IL1RAPL1: variants seen among roughly 807,000 people sequenced by gnomAD.
The protein encoded by IL1RAPL1 is interleukin 1 receptor accessory protein like 1.
A neutral mutation model predicts 48.4 loss-of-function variants in IL1RAPL1; 3 were observed. The observed-to-expected ratio is 0.06, with a 90% CI of 0.03 to 0.16. The LOEUF (loss-of-function observed/expected upper bound fraction) is 0.16, where lower values mean the gene tolerates loss of function less well. IL1RAPL1 is among the 10% of genes least tolerant of loss of function. IL1RAPL1 has a pLI of 1.00. For missense variants in IL1RAPL1, 349 were observed against 530.6 expected, an observed-to-expected ratio of 0.66 and a Z score of 3.36; for synonymous variants, 185 against 187.7, an observed-to-expected ratio of 0.99 and a Z score of 0.12.
intron 6 of IL1RAPL1, among the ~76,000 whole-genome samples, chrX:29,809,443 G>A (rs1930334052): frequency 9.0e-6 from 1 of 110,804 alleles, no homozygotes; most frequent in East Asian, 2.8e-4. Context: ...TTCTTTTCAT[G>A]ATCCTGCAGA....
intron 2 of IL1RAPL1, among the ~76,000 whole-genome samples, chrX:28,803,333 A>G: frequency 9.0e-6 from 1 of 111,433 alleles, no homozygotes; most frequent in Non-Finnish European, 1.9e-5. Flanking sequence ...TGTGTGCTTC[A>G]CGACTTAGGT....
At chrX:29,228,954 A>G (rs1345286956) in intron 2 of IL1RAPL1, among the ~76,000 whole-genome samples, 1 of 111,484 alleles carries the variant, frequency 9.0e-6, no homozygotes, top group Non-Finnish European at 1.9e-5. Flanking sequence ...GGTGGTGGCC[A>G]GTAGAGGTGG....
At chrX:29,639,611 A>G (rs1925104264) in intron 5 of IL1RAPL1, among the ~76,000 whole-genome samples, 1 of 96,239 alleles carries the variant, frequency 1.0e-5, no homozygotes, top group African/African-American at 3.9e-5. Flanking sequence ...ATGATTCTGT[A>G]GTTAAGAAGG....
At chrX:29,304,647 G>A (rs1569280980) in intron 3 of IL1RAPL1, among the ~76,000 whole-genome samples, 1 of 112,419 alleles carries the variant, frequency 8.9e-6, no homozygotes, top group Non-Finnish European at 1.9e-5. Context: ...AAATGTTGAA[G>A]TTGGATGATG....
At chrX:29,101,060 T>C (rs1928327016) in intron 2 of IL1RAPL1, among the ~76,000 whole-genome samples, 2 of 111,290 alleles carry the variant, frequency 1.8e-5, no homozygotes, top group Non-Finnish European at 3.8e-5. Context: ...TAAAAAGAAA[T>C]CCAAACTGGG....
At chrX:29,534,592 T>G (rs1921150217) in intron 5 of IL1RAPL1, among the ~76,000 whole-genome samples, 1 of 111,391 alleles carries the variant, frequency 9.0e-6, no homozygotes, top group African/African-American at 3.3e-5. Flanking sequence ...CCCAGCACTT[T>G]GGGAGGCCAA....
At chrX:28,996,561 C>T (rs755156785) in intron 2 of IL1RAPL1, among the ~76,000 whole-genome samples, 1 of 111,170 alleles carries the variant, frequency 9.0e-6, no homozygotes, top group Non-Finnish European at 1.9e-5. Flanking sequence ...GTTAACATTC[C>T]AAACAGCAGT....
chrX:28,998,146 G>A (rs1925764262), intron 2 of IL1RAPL1, among the ~76,000 whole-genome samples: 1 of 111,036 alleles, frequency 9.0e-6, no homozygotes, highest in South Asian at 3.8e-4. Flanking sequence ...ACACAAATAA[G>A]CCAATGTTAT....
intron 1 of IL1RAPL1, among the ~76,000 whole-genome samples, chrX:28,700,777 C>T (rs958302368): frequency 1.8e-5 from 2 of 110,866 alleles, no homozygotes; most frequent in African/African-American, 6.6e-5. Context: ...TTGTTCAGTT[C>T]CCACTTACGA....
At chrX:29,020,185 G>A (rs192557874) in intron 2 of IL1RAPL1, among the ~76,000 whole-genome samples, 2 of 112,249 alleles carry the variant, frequency 1.8e-5, no homozygotes, top group Admixed American at 9.4e-5. Context: ...TCCAGAAACC[G>A]AAGAATTTCA....
intron 6 of IL1RAPL1, among the ~76,000 whole-genome samples, chrX:29,812,579 C>T (rs966874990): frequency 6.3e-5 from 7 of 111,028 alleles, no homozygotes; most frequent in African/African-American, 2.3e-4. Context: ...CCTAGCCTGT[C>T]TCAGTGGATG....
chrX:29,718,383 C>A (rs754481687), intron 6 of IL1RAPL1, among the ~76,000 whole-genome samples: 2 of 107,002 alleles, frequency 1.9e-5, no homozygotes, highest in Non-Finnish European at 3.8e-5. Context: ...CATGTTCTCA[C>A]TCATAAGTGG....
At chrX:29,339,326 A>G (rs1933042611) in intron 3 of IL1RAPL1, among the ~76,000 whole-genome samples, 1 of 111,739 alleles carries the variant, frequency 8.9e-6, no homozygotes, top group South Asian at 3.7e-4. Flanking sequence ...ATAGATTGTG[A>G]TGAAAATTAA....
At chrX:29,498,269 C>T (rs1402868639) in intron 5 of IL1RAPL1, among the ~76,000 whole-genome samples, 1 of 111,687 alleles carries the variant, frequency 9.0e-6, no homozygotes, top group African/African-American at 3.2e-5. Context: ...CTCTAGGTGG[C>T]TGCAAACAGT....
At chrX:28,960,091 T>C (rs1028950206) in intron 2 of IL1RAPL1, among the ~76,000 whole-genome samples, 1 of 111,930 alleles carries the variant, frequency 8.9e-6, no homozygotes, top group Non-Finnish European at 1.9e-5. Flanking sequence ...GATATTTCTG[T>C]GCAGAAAAGG....
chrX:28,755,519 A>T (rs1373185547), intron 1 of IL1RAPL1, among the ~76,000 whole-genome samples: 1 of 111,731 alleles, frequency 9.0e-6, no homozygotes, highest in Non-Finnish European at 1.9e-5. Flanking sequence ...TTATTGCAGA[A>T]CTCTCTACTG....
chrX:29,366,708 A>G (rs62588096), intron 3 of IL1RAPL1, among the ~76,000 whole-genome samples: 42,942 of 105,830 alleles, frequency 0.41, 7,727 homozygotes, highest in Middle Eastern at 0.63. Flanking sequence ...AGCTGGGACT[A>G]CAGGTACCCG....
At chrX:29,039,852 A>G (rs1476082146) in intron 2 of IL1RAPL1, among the ~76,000 whole-genome samples, 2 of 110,283 alleles carry the variant, frequency 1.8e-5, no homozygotes, top group Admixed American at 9.7e-5. Flanking sequence ...CCAAATCAAG[A>G]TATTAAAGTT....
intron 5 of IL1RAPL1, among the ~76,000 whole-genome samples, chrX:29,449,780 C>CACACACACACACACAGAGAGAG (rs557765024): frequency 4.8e-3 from 281 of 58,172 alleles, no homozygotes; most frequent in East Asian, 7.1e-3. Context: ...CACACACACA[C>CACACACACACACACAGAGAGAG]AGAGAGAGAG....
Sources: allele counts gnomAD v4.1 joint callset (sites outside exome capture counted in the v4.1 genomes callset), GRCh38; gene constraint gnomAD v4.1.1; transcripts MANE v1.5; gene names NCBI Gene and HGNC (gene_info 2026-07-23, HGNC 2026-07-21).